The following ZMYM4 variants were observed in gnomAD, a reference collection of about 807,000 sequenced individuals.
ZMYM4 encodes the protein zinc finger MYM-type containing 4.
ZMYM4 carries 31 observed loss-of-function variants against 183.2 expected under a neutral mutation model. The ratio of observed to expected loss-of-function variants is 0.17; its 90% CI spans 0.13 to 0.23. The LOEUF (loss-of-function observed/expected upper bound fraction) is 0.23, where lower values mean the gene tolerates loss of function less well. Among genes scored for constraint, ZMYM4 ranks in the 10% least tolerant of loss-of-function variants. The pLI is 1.00. For missense variants in ZMYM4, 1,273 were observed against 1,840.3 expected, an observed-to-expected ratio of 0.69 and a Z score of 5.64; for synonymous variants, 592 against 631.2, an observed-to-expected ratio of 0.94 and a Z score of 0.93.
At chr1:35,416,276 G>A (rs1183261664) in intron 28 of ZMYM4, among the ~76,000 whole-genome samples, 1 of 152,164 alleles carries the variant, frequency 6.6e-6, no homozygotes, top group Non-Finnish European at 1.5e-5. Context: ...TTAATGTTCA[G>A]AAACTTAATC....
chr1:35,409,939 C>CAA (rs141418759), intron 26 of ZMYM4, among the ~76,000 whole-genome samples: 25 of 116,906 alleles, frequency 2.1e-4, no homozygotes, highest in East Asian at 7.0e-4. Flanking sequence ...GACTCTGTCT[C>CAA]AAAAAAAAAA....
chr1:35,343,251 C>G (rs1337600799), intron 2 of ZMYM4, among the ~76,000 whole-genome samples: 1 of 152,130 alleles, frequency 6.6e-6, no homozygotes, highest in African/African-American at 2.4e-5. Context: ...TCTAAGAAAT[C>G]TATCATAAGA....
At chr1:35,409,800 C>T (rs1330429380) in intron 26 of ZMYM4, among the ~76,000 whole-genome samples, 1 of 151,922 alleles carries the variant, frequency 6.6e-6, no homozygotes, top group African/African-American at 2.4e-5. Context: ...ATTAGCTGGG[C>T]GTGGTGGCAC....
chr1:35,339,348 C>G (rs1028515754), intron 2 of ZMYM4, among the ~76,000 whole-genome samples: 1 of 152,090 alleles, frequency 6.6e-6, no homozygotes, highest in Non-Finnish European at 1.5e-5. Flanking sequence ...AGTTCTCCTG[C>G]CTCAGCCTCC....
intron 28 of ZMYM4, among the ~76,000 whole-genome samples, chr1:35,416,232 C>G (rs1640108896): frequency 6.6e-6 from 1 of 152,138 alleles, no homozygotes; most frequent in African/African-American, 2.4e-5. Context: ...TATTGTCTTG[C>G]ATTTCAAAAA....
Position 35,399,541 on chromosome 1 carries a change from C to T in ZMYM4, c.3493C>T (p.Arg1165Ter), listed in dbSNP as rs2275409. ...CCAGGCACGTTCCCGAACAAGACGA[C>T]GACACAGAGATGGCTTCCCCCAACC... ...GIQARSRTRRRHRDGFPQPRR... is the reference protein window; with the variant it reads ...GIQARSRTRR The change falls in exon 23 of 30, where the codon CGA becomes TGA. Residue 1165 changes from arginine (R) to a stop codon, truncating the protein, a stop_gained. Transcript: ENST00000314607. LOFTEE classifies it high-confidence loss of function. 1.2e-6 allele frequency: 2 copies of T among 1,614,086 alleles called. No homozygotes were observed. The highest frequency in any genetic ancestry group is 2.2e-5 in the East Asian group (1 of 44,868).
At chr1:35,325,293 G>A in intron 1 of ZMYM4, 67 bp from the exon 2 acceptor site, 2 of 1,433,138 alleles carry the variant, frequency 1.4e-6, no homozygotes, top group South Asian at 1.3e-5. Context: ...AATAGGGAGG[G>A]ATACCAAAAG....
chr1:35,408,100 C>A lies in ZMYM4; in HGVS notation c.3889C>A (p.Pro1297Thr). Reference sequence around the variant, plus strand: ...CCAGTTTATCCAAGAGGTGCGGAGACCAAATGGTGAAAAATATGATCCAGA... The same window carrying A: ...CCAGTTTATCCAAGAGGTGCGGAGAACAAATGGTGAAAAATATGATCCAGA... ...LCQFIQEVRR[P>T]NGEKYDPDSI... The change falls in exon 26 of 30, where the codon CCA (proline) becomes ACA (threonine). Residue 1297 changes from proline (P) to threonine (T), a missense_variant. This residue lies in a region of ZMYM4 where 145 missense variants were observed against 331.6 expected (regional missense o/e 0.44). Transcript: ENST00000314607. 6.2e-7 allele frequency: 1 copy of A among 1,614,154 alleles called. No individual in the cohort carries two copies. The highest frequency in any genetic ancestry group is 8.5e-7 in the Non-Finnish European group (1 of 1,180,032).
intron 1 of ZMYM4, among the ~76,000 whole-genome samples, chr1:35,310,879 C>CT (rs573345385): frequency 3.2e-4 from 48 of 152,058 alleles, no homozygotes; most frequent in Non-Finnish European, 6.3e-4. Flanking sequence ...CATTCGGCCT[C>CT]TTTTTTCTTT....
chr1:35,301,203 A>G (rs1312641191), intron 1 of ZMYM4, among the ~76,000 whole-genome samples: 1 of 152,136 alleles, frequency 6.6e-6, no homozygotes, highest in Non-Finnish European at 1.5e-5. Flanking sequence ...ACTTTTTACT[A>G]TACTATTGAA....
intron 5 of ZMYM4, chr1:35,366,202 G>T (rs940308559): frequency 2.0e-5 from 3 of 152,128 alleles, no homozygotes; most frequent in African/African-American, 7.2e-5. Context: ...TCAAATAAGG[G>T]TATCTGTAAT....
chr1:35,293,034 T>C (rs534757589), intron 1 of ZMYM4, among the ~76,000 whole-genome samples: 1 of 150,610 alleles, frequency 6.6e-6, no homozygotes, highest in African/African-American at 2.4e-5. Flanking sequence ...AGGTTCCTGC[T>C]CTGTCACCCA....
intron 1 of ZMYM4, among the ~76,000 whole-genome samples, chr1:35,312,755 C>G (rs930912355): frequency 7.3e-6 from 1 of 137,590 alleles, no homozygotes; most frequent in African/African-American, 2.6e-5. Flanking sequence ...GAGTCTCACT[C>G]TGTTGCCCAG....
intron 15 of ZMYM4, among the ~76,000 whole-genome samples, chr1:35,390,438 C>T (rs534798614): frequency 1.3e-5 from 2 of 149,748 alleles, no homozygotes; most frequent in Admixed American, 6.7e-5. Flanking sequence ...TGTTCTCTGG[C>T]GAGCAGGAGT....
intron 25 of ZMYM4, 140 bp from the exon 26 acceptor site, chr1:35,407,868 A>G: frequency 9.6e-7 from 1 of 1,040,638 alleles, no homozygotes; most frequent in Non-Finnish European, 1.4e-6. Context: ...ACTTGAGATC[A>G]GAATCTGTCT....
At chr1:35,325,484 A>G in intron 2 of ZMYM4, 79 bp downstream of exon 2, 1 of 1,427,974 alleles carries the variant, frequency 7.0e-7, no homozygotes, top group African/African-American at 1.4e-5. Context: ...TTTAACTATT[A>G]CAGTGTTTAG....
intron 2 of ZMYM4, among the ~76,000 whole-genome samples, chr1:35,357,842 T>C (rs1205797589): frequency 3.3e-5 from 5 of 152,194 alleles, no homozygotes; most frequent in East Asian, 1.9e-4. Flanking sequence ...GTAAGTGTTA[T>C]GGAGGTGAAC....
intron 26 of ZMYM4, among the ~76,000 whole-genome samples, chr1:35,411,603 T>C (rs1382975722): frequency 2.6e-5 from 4 of 152,208 alleles, no homozygotes; most frequent in Non-Finnish European, 4.4e-5. Context: ...TCTATGTCAA[T>C]TTTAGAATGG....
chr1:35,339,454 C>CA (rs1288386182), intron 2 of ZMYM4, among the ~76,000 whole-genome samples: 1 of 152,108 alleles, frequency 6.6e-6, no homozygotes, highest in Non-Finnish European at 1.5e-5. Context: ...AGGATGGTCT[C>CA]AAACTCCTGA....
Sources: allele counts gnomAD v4.1 joint callset (sites outside exome capture counted in the v4.1 genomes callset), GRCh38; gene constraint gnomAD v4.1.1; regional missense constraint gnomAD v4.1.1; transcripts MANE v1.5; gene names NCBI Gene and HGNC (gene_info 2026-07-23, HGNC 2026-07-21).